TRAF7: variants seen among roughly 807,000 people sequenced by gnomAD.
The protein encoded by TRAF7 is TNF receptor associated factor 7.
Under a neutral mutation model 89.3 loss-of-function variants are expected in TRAF7, and 45 were observed. That is an observed-to-expected ratio of 0.50 (90% CI 0.40 to 0.65). TRAF7 has a LOEUF of 0.65. TRAF7 is among the 30% of genes least tolerant of loss of function. The pLI, the probability that TRAF7 is intolerant of heterozygous loss-of-function variation, is 0.00. For missense variants in TRAF7, 677 were observed against 918.1 expected, an observed-to-expected ratio of 0.74 and a Z score of 3.39; for synonymous variants, 406 against 369.2, an observed-to-expected ratio of 1.10 and a Z score of -1.14.
chr16:2,157,676 G>C (rs371698045), intron 1 of TRAF7, among the ~76,000 whole-genome samples: 7 of 151,696 alleles, frequency 4.6e-5, no homozygotes, highest in Non-Finnish European at 1.0e-4. Flanking sequence ...AAAGGAGGAA[G>C]ATGCAGTTGA....
rs755822683 is a variant in TRAF7, at chr16:2,168,154, G to A, written c.217G>A (p.Glu73Lys). Residue 73 changes from glutamate to lysine, a missense_variant, in exon 4 of 21, where the codon GAG becomes AAG. Physicochemically the swap from Glu to Lys is moderately conservative, Grantham distance 56. Transcript: ENST00000326181. The surrounding 1 kb of genome is among the most constrained non-coding windows in gnomAD (Gnocchi z 4.1). The part of the protein sequence containing the change: ...SSTLAYSPRD[E>K]EDSMPPISTP... The stretch of plus-strand genomic sequence containing the variant: ...CACCCTTGCCTACTCCCCGCGGGAC[G>A]AGGAGGACAGCATGGTAGGTCCCTA... 5 of 1,610,986 alleles carry A rather than the reference G, an allele frequency of 3.1e-6. No individual in the cohort carries two copies. The highest frequency in any genetic ancestry group is 2.2e-5 in the South Asian group (2 of 90,848).
At chr16:2,164,491 CGT>C (rs1369534130) in intron 2 of TRAF7, among the ~76,000 whole-genome samples, 3 of 138,246 alleles carry the variant, frequency 2.2e-5, no homozygotes, top group Non-Finnish European at 4.6e-5. Context: ...CATGGTTAAG[CGT>C]GTGAGTGCTA....
Position 2,168,506 on chromosome 16 carries a change from T to C in TRAF7, c.231+338T>C, listed in dbSNP as rs1377780190. Reference sequence around the variant, plus strand: ...GGATAGCACAATAAAATACATGCTTTGAAAGCTTCCTTTGCTGCTGGGTAG... The same window carrying C: ...GGATAGCACAATAAAATACATGCTTCGAAAGCTTCCTTTGCTGCTGGGTAG... On this transcript the variant is annotated intron_variant, in intron 4 of 20. Coordinates refer to ENST00000326181, the MANE Select transcript of TRAF7 (RefSeq NM_032271.3). This position sits in a 1 kb window ranked among gnomAD's most constrained non-coding sequence, Gnocchi z 4.1. 1 of 238,480 alleles carries C rather than the reference T, an allele frequency of 4.2e-6. No individual in the cohort carries two copies. The highest frequency in any genetic ancestry group is 8.3e-6 in the Non-Finnish European group (1 of 121,158). 14.8% of individuals were successfully genotyped at this position (238,480 alleles called of 1,614,324 possible).
chr16:2,172,076 C>G (rs546621883), intron 7 of TRAF7, 115 bp from the exon 8 acceptor site: 2 of 1,271,846 alleles, frequency 1.6e-6, no homozygotes, highest in Admixed American at 2.1e-5. Context: ...TCCCATGTTG[C>G]GTGCCTCAGA....
chr16:2,163,477 CGTG>C lies in TRAF7; in HGVS notation c.-38-404_-38-402del, dbSNP rs552915964. On this transcript the variant is annotated intron_variant, in intron 1 of 20. Coordinates refer to ENST00000326181, the MANE Select transcript of TRAF7 (RefSeq NM_032271.3). The surrounding 1 kb of genome is among the most constrained non-coding windows in gnomAD (Gnocchi z 4.3). The stretch of plus-strand genomic sequence containing the variant: ...GTCCCTGTGTGACTGCGTCCCGCCA[CGTG>C]GGCCACACCCTGGGCCTACCCACCA... The C allele has an allele frequency of 4.0e-3, 814 of 201,758 alleles. 2 individuals are homozygous for C. Among genetic ancestry groups the C allele is most frequent in the Non-Finnish European group, 6.8e-3 (650 of 96,036 alleles). 12.5% of individuals were successfully genotyped at this position (201,758 alleles called of 1,614,324 possible).
Position 2,158,122 on chromosome 16 carries a change from C to T in TRAF7, c.-39+2264C>T, listed in dbSNP as rs143524213. On this transcript the variant is annotated intron_variant, in intron 1 of 20. Coordinates refer to ENST00000326181, the MANE Select transcript of TRAF7 (RefSeq NM_032271.3). This position sits in a 1 kb window ranked among gnomAD's most constrained non-coding sequence, Gnocchi z 4.7. ...GGTGTCACAGCATCTCCTGGATGGACACCCTGCGGGGTCAGGGAGGGCATG... is the reference window on the plus strand; with the variant it reads ...GGTGTCACAGCATCTCCTGGATGGATACCCTGCGGGGTCAGGGAGGGCATG... 1.5e-3 allele frequency among the ~76,000 whole-genome samples: 231 copies of T among 152,328 alleles called. No homozygotes were observed. The highest frequency in any genetic ancestry group is 3.4e-3 in the Middle Eastern group (1 of 294).
At chr16:2,173,859 T>TGA in intron 12 of TRAF7, 23 bp downstream of exon 12, 2 of 1,246,258 alleles carry the variant, frequency 1.6e-6, no homozygotes, top group Non-Finnish European at 2.2e-6. Context: ...CCGCCGTGGC[T>TGA]CCCGCCCACC....
Position 2,177,584 on chromosome 16 carries a change from C to G in TRAF7, c.*1010C>G, listed in dbSNP as rs111428398. The stretch of plus-strand genomic sequence containing the variant: ...GCCTTGGACCATGAGCAGAAGCGTC[C>G]GTGGGAACTCCACTGGGGTGGATGG... On this transcript the variant is annotated 3_prime_UTR_variant, in exon 21 of 21. Transcript: ENST00000326181. 547 of 236,088 alleles carry G rather than the reference C, an allele frequency of 2.3e-3. 5 individuals carry two copies. The highest frequency in any genetic ancestry group is 0.011 in the African/African-American group (496 of 45,366). 14.6% of individuals were successfully genotyped at this position (236,088 alleles called of 1,614,324 possible).
At chr16:2,157,835 G>A (rs892804917) in intron 1 of TRAF7, among the ~76,000 whole-genome samples, 3 of 152,128 alleles carry the variant, frequency 2.0e-5, no homozygotes, top group South Asian at 2.1e-4. Context: ...TGGTCACAGC[G>A]GCACAGCCTG....
chr16:2,176,820 C>G lies in TRAF7; in HGVS notation c.*246C>G. ...GCTTGCCCCGGCCCACCCTCCATCC[C>G]CACCCTCCATCCCCACCCTAGATGG... is the stretch of plus-strand genomic sequence containing the variant. On this transcript the variant is annotated 3_prime_UTR_variant, in exon 21 of 21. Coordinates refer to ENST00000326181, the MANE Select transcript of TRAF7 (RefSeq NM_032271.3). 4.9e-6 allele frequency: 3 copies of G among 615,862 alleles called. No homozygotes were observed. The highest frequency in any genetic ancestry group is 8.7e-6 in the Non-Finnish European group (3 of 345,556). 38.1% of individuals were successfully genotyped at this position (615,862 alleles called of 1,614,324 possible). A position where few individuals can be genotyped will look rare whatever the true frequency, so the allele number is the denominator to read the frequency against.
intron 3 of TRAF7, among the ~76,000 whole-genome samples, 160 bp downstream of exon 3, chr16:2,166,096 C>T (rs2093085655): frequency 6.6e-6 from 1 of 152,252 alleles, no homozygotes; most frequent in African/African-American, 2.4e-5. Flanking sequence ...CACAGCCTCT[C>T]AGCCCTGGGC....
Position 2,172,446 on chromosome 16 carries a change from G to A in TRAF7, c.660-19G>A, listed in dbSNP as rs746197336. The A allele has an allele frequency of 9.9e-6, 16 of 1,610,132 alleles. No homozygotes were observed. Among genetic ancestry groups the A allele is most frequent in the African/African-American group, 4.0e-5 (3 of 74,884 alleles). The stretch of plus-strand genomic sequence containing the variant: ...TCAGGGCTCTGGCTGAGGCCTCCCC[G>A]CATCCCGCCCTGGCACAGGGACCAC... On this transcript the variant is annotated intron_variant, in intron 8 of 20. Coordinates refer to ENST00000326181, the MANE Select transcript of TRAF7 (RefSeq NM_032271.3).
In TRAF7 at chr16:2,155,876, G is replaced by A. The variant is rs952101415; in HGVS notation, c.-39+18G>A. The A allele has an allele frequency of 1.3e-5, 2 of 150,628 alleles. No individual in the cohort carries two copies. Among genetic ancestry groups the A allele is most frequent in the Non-Finnish European group, 3.0e-5 (2 of 67,502 alleles). 9.3% of individuals were successfully genotyped at this position (150,628 alleles called of 1,614,324 possible). A position where few individuals can be genotyped will look rare whatever the true frequency, so the allele number is the denominator to read the frequency against. ...GCGGGCGGGTGAGTGTCCCCGCGGC[G>A]CGCCCGACCCGGGGCTCGCGCCTCG... is the stretch of plus-strand genomic sequence containing the variant. On this transcript the variant is annotated intron_variant, in intron 1 of 20. Coordinates refer to ENST00000326181, the MANE Select transcript of TRAF7 (RefSeq NM_032271.3).
chr16:2,173,891 G>A (rs781451150), intron 12 of TRAF7, 30 bp from the exon 13 acceptor site: 1 of 1,191,668 alleles, frequency 8.4e-7, no homozygotes, highest in Admixed American at 2.2e-5. Flanking sequence ...GCCCCAACTG[G>A]GCCTTCACCC....
chr16:2,175,707 G>C lies in TRAF7; in HGVS notation c.1626+85G>C, dbSNP rs552183589. On this transcript the variant is annotated intron_variant, in intron 17 of 20. Coordinates refer to ENST00000326181, the MANE Select transcript of TRAF7 (RefSeq NM_032271.3). Reference sequence around the variant, plus strand: ...CAGCACCTGGGGCTCCATCTGCCCTGTTCCTACCTTCGCACATCCCCTGGC... The same window carrying C: ...CAGCACCTGGGGCTCCATCTGCCCTCTTCCTACCTTCGCACATCCCCTGGC... 4.0e-5 allele frequency: 64 copies of C among 1,589,802 alleles called. No homozygotes were observed. In the East Asian group the frequency reaches 1.4e-3, roughly 35 times the overall value.
At chr16:2,167,043 C>G (rs951879923) in intron 3 of TRAF7, among the ~76,000 whole-genome samples, 1 of 152,202 alleles carries the variant, frequency 6.6e-6, no homozygotes, top group African/African-American at 2.4e-5. Context: ...CTTACAGTAG[C>G]GCCTCTTTGC....
At chr16:2,165,108 T>A in intron 2 of TRAF7, among the ~76,000 whole-genome samples, 1 of 129,924 alleles carries the variant, frequency 7.7e-6, no homozygotes. Flanking sequence ...TGGTTAAGCG[T>A]GTGAGTGCTG....
chr16:2,163,935 G>T lies in TRAF7; in HGVS notation c.15G>T (p.Lys5Asn), dbSNP rs748444237. The change falls in exon 2 of 21, where the codon AAG becomes AAT. Residue 5 changes from lysine to asparagine, a missense_variant. By Grantham distance (94) the Lys-to-Asn change is moderately conservative. Coordinates refer to ENST00000326181, the MANE Select transcript of TRAF7 (RefSeq NM_032271.3). The surrounding 1 kb of genome is among the most constrained non-coding windows in gnomAD (Gnocchi z 4.3). MSSG[K>N]SARYNRFSGG... Reference sequence around the variant, plus strand: ...CTCTCTAGAGCATGAGCTCAGGCAAGAGTGCCCGCTACAACCGCTTCTCCG... The same window carrying T: ...CTCTCTAGAGCATGAGCTCAGGCAATAGTGCCCGCTACAACCGCTTCTCCG... The T allele has an allele frequency of 1.2e-6, 2 of 1,612,708 alleles. No homozygotes were observed. Among genetic ancestry groups the T allele is most frequent in the Non-Finnish European group, 1.7e-6 (2 of 1,179,754 alleles).
Position 2,177,589 on chromosome 16 carries a change from G to A in TRAF7, c.*1015G>A, listed in dbSNP as rs533947241. 213 of 236,124 alleles carry A rather than the reference G, an allele frequency of 9.0e-4. 1 individual carries two copies. Among genetic ancestry groups the A allele is most frequent in the South Asian group, 1.2e-3 (7 of 5,964 alleles). The allele number at this position is 236,124 out of a possible 1,614,324, so 14.6% of individuals were successfully genotyped here. ...GGACCATGAGCAGAAGCGTCCGTGG[G>A]AACTCCACTGGGGTGGATGGGCTGC... On this transcript the variant is annotated 3_prime_UTR_variant, in exon 21 of 21. Coordinates refer to ENST00000326181, the MANE Select transcript of TRAF7 (RefSeq NM_032271.3).
Sources: gnomAD v4.1 joint callset for allele counts (sites outside exome capture counted in the v4.1 genomes callset) on GRCh38, gnomAD v4.1.1 for gene constraint, Gnocchi (gnomAD v3.1) non-coding constraint, MANE v1.5 for transcripts, NCBI Gene and HGNC (gene_info 2026-07-23, HGNC 2026-07-21) for gene names.